The following PDE11A variants were observed in gnomAD, a reference collection of about 807,000 sequenced individuals.
The protein encoded by PDE11A is phosphodiesterase 11A, also known as dual 3',5'-cyclic-AMP and -GMP phosphodiesterase 11A.
In PDE11A, 100 loss-of-function variants were observed where a neutral mutation model predicts 100.5. The ratio of observed to expected loss-of-function variants is 1.00; its 90% confidence interval spans 0.85 to 1.18. PDE11A has a LOEUF of 1.18. PDE11A is among the 50% of genes most tolerant of loss of function. PDE11A has a pLI of 0.00. For missense variants in PDE11A, 1,141 were observed against 1,152.6 expected (o/e 0.99, Z 0.15); for synonymous variants, 381 against 420.8 (o/e 0.91, Z 1.16).
At chr2:177,643,165 G>A (rs1220635733) in intron 19 of PDE11A, among the ~76,000 whole-genome samples, 6 of 152,186 alleles carry the variant, frequency 3.9e-5, no homozygotes, top group African/African-American at 7.2e-5. Flanking sequence ...AAAGACACCC[G>A]AATATGTGGA....
rs556963590 is a variant in PDE11A at position 177,801,388 on chromosome 2, A to G, written c.1737+15441T>C. On this transcript the variant is annotated intron_variant, in intron 9 of 19. Coordinates refer to ENST00000286063, the MANE Select transcript of PDE11A (RefSeq NM_016953.4). ...TAACTGCTGAGTCCTCGGTATGGAG[A>G]ATGGTGACTACCAAAAAGTAGAAGC... 1.1e-3 allele frequency among the ~76,000 whole-genome samples: 161 copies of G among 152,304 alleles called. 2 individuals are homozygous for G. The highest frequency in any genetic ancestry group is 0.01 in the Middle Eastern group (3 of 294).
intron 2 of PDE11A, among the ~76,000 whole-genome samples, chr2:178,077,802 A>G (rs13033250): frequency 6.6e-6 from 1 of 152,186 alleles, no homozygotes; most frequent in South Asian, 2.1e-4. Context: ...ACAGAGACAC[A>G]CAGAGGAGAA....
intron 1 of PDE11A, among the ~76,000 whole-genome samples, chr2:178,052,009 A>G (rs1436284744): frequency 6.6e-6 from 1 of 151,796 alleles, no homozygotes; most frequent in Non-Finnish European, 1.5e-5. Flanking sequence ...TGCACCAAGC[A>G]GACCTAATAG....
chr2:177,935,128 G>A (rs1052186154), intron 2 of PDE11A, among the ~76,000 whole-genome samples: 4 of 152,116 alleles, frequency 2.6e-5, no homozygotes, highest in African/African-American at 9.7e-5. Flanking sequence ...AAAAGATATT[G>A]ATAAAATTCC....
intron 2 of PDE11A, among the ~76,000 whole-genome samples, chr2:177,906,018 T>C (rs138085481): frequency 4.7e-4 from 72 of 152,304 alleles, no homozygotes; most frequent in African/African-American, 1.7e-3. Context: ...TCCAGAGAGA[T>C]AGAATGCTCC....
chr2:177,836,896 C>T (rs150233646), intron 6 of PDE11A, among the ~76,000 whole-genome samples: 7 of 152,156 alleles, frequency 4.6e-5, no homozygotes, highest in Non-Finnish European at 7.4e-5. Flanking sequence ...ACTCCAAACA[C>T]ATCCGAACAT....
intron 9 of PDE11A, 79 bp downstream of exon 9, chr2:177,816,750 G>A: frequency 1.2e-6 from 1 of 815,976 alleles, no homozygotes; most frequent in Non-Finnish European, 2.2e-6. Context: ...GAGAAATTAA[G>A]CCCCATAACC....
intron 19 of PDE11A, among the ~76,000 whole-genome samples, chr2:177,637,418 T>G (rs2080056811): frequency 6.6e-6 from 1 of 152,186 alleles, no homozygotes. Context: ...TAGGCATGCC[T>G]GTAGCACACT....
At chr2:177,963,512 A>T (rs1397560768) in intron 2 of PDE11A, among the ~76,000 whole-genome samples, 1 of 152,178 alleles carries the variant, frequency 6.6e-6, no homozygotes, top group African/African-American at 2.4e-5. Context: ...AGATAAACTC[A>T]AGTCCAGTGG....
At chr2:177,778,302 G>C (rs1329779771) in intron 9 of PDE11A, among the ~76,000 whole-genome samples, 4 of 152,160 alleles carry the variant, frequency 2.6e-5, no homozygotes, top group Non-Finnish European at 4.4e-5. Context: ...CAGACCTCTT[G>C]CACCAATTGT....
chr2:177,880,313 A>G (rs566083064), intron 4 of PDE11A, among the ~76,000 whole-genome samples: 1 of 152,312 alleles, frequency 6.6e-6, no homozygotes, highest in African/African-American at 2.4e-5. Context: ...TGACCACTGG[A>G]GGAAAGGAGT....
chr2:177,992,168 A>G (rs915981486), intron 2 of PDE11A, among the ~76,000 whole-genome samples: 4 of 151,384 alleles, frequency 2.6e-5, no homozygotes, highest in African/African-American at 9.7e-5. Context: ...GATCAATTTC[A>G]TTATCCATAT....
At chr2:177,931,095 G>C (rs779540998) in intron 2 of PDE11A, among the ~76,000 whole-genome samples, 1 of 151,918 alleles carries the variant, frequency 6.6e-6, no homozygotes, top group Non-Finnish European at 1.5e-5. Flanking sequence ...CACCTATCTG[G>C]CAGTAAGCCA....
chr2:178,070,343 G>C (rs1163837226), intron 1 of PDE11A, among the ~76,000 whole-genome samples: 1 of 152,192 alleles, frequency 6.6e-6, no homozygotes, highest in African/African-American at 2.4e-5. Context: ...GTACAAGCTA[G>C]TCAATTTTCT....
chr2:177,699,892 G>A (rs994148926), intron 14 of PDE11A, among the ~76,000 whole-genome samples: 1 of 152,200 alleles, frequency 6.6e-6, no homozygotes, highest in Non-Finnish European at 1.5e-5. Flanking sequence ...TTCTGAGTGA[G>A]TGGGGTTTGT....
intron 5 of PDE11A, among the ~76,000 whole-genome samples, chr2:177,865,518 A>C (rs563909066): frequency 6.6e-6 from 1 of 152,322 alleles, no homozygotes; most frequent in South Asian, 2.1e-4. Context: ...GCCTATACCC[A>C]AAAGAACCGA....
At chr2:177,765,618 C>A (rs1345627802) in intron 10 of PDE11A, among the ~76,000 whole-genome samples, 1 of 152,210 alleles carries the variant, frequency 6.6e-6, no homozygotes, top group African/African-American at 2.4e-5. Context: ...TGTTAGCACA[C>A]TGACCCATTC....
intron 2 of PDE11A, among the ~76,000 whole-genome samples, chr2:177,950,777 G>A (rs529427421): frequency 6.6e-6 from 1 of 152,324 alleles, no homozygotes; most frequent in South Asian, 2.1e-4. Flanking sequence ...CGAGCGCCAT[G>A]GCAGGCGCCG....
intron 5 of PDE11A, among the ~76,000 whole-genome samples, chr2:177,845,149 C>CGGCTGGCCGGGCGGGG (rs2083562762): frequency 6.8e-6 from 1 of 148,038 alleles, no homozygotes; most frequent in African/African-American, 2.5e-5. Context: ...CCGGACGGGG[C>CGGCTGGCCGGGCGGGG]GGCTGGCCGG....
Sources: allele counts gnomAD v4.1 joint callset (sites outside exome capture counted in the v4.1 genomes callset), GRCh38; gene constraint gnomAD v4.1.1; transcripts MANE v1.5; gene names NCBI Gene and HGNC (gene_info 2026-07-23, HGNC 2026-07-21).